SCAPER: variants seen among roughly 807,000 people sequenced by gnomAD.
SCAPER encodes S phase cyclin A-associated protein in the endoplasmic reticulum.
A neutral mutation model predicts 182.2 loss-of-function variants in SCAPER; 98 were observed. That is an observed-to-expected ratio of 0.54 (90% CI 0.46 to 0.64). The LOEUF is 0.64. Ranked by LOEUF, SCAPER falls within the 30% of genes least tolerant of loss-of-function variation. The probability of loss-of-function intolerance (pLI) is 0.00; values close to 1 mark genes in which losing one functional copy is unlikely to be tolerated. For synonymous variants in SCAPER, 605 were observed against 564.6 expected, an observed-to-expected ratio of 1.07 and a Z score of -1.01; for missense variants, 1,432 against 1,690.0, an observed-to-expected ratio of 0.85 and a Z score of 2.68.
chr15:76,481,401 T>C (rs1250318995), intron 24 of SCAPER, among the ~76,000 whole-genome samples: 1 of 152,200 alleles, frequency 6.6e-6, no homozygotes, highest in African/African-American at 2.4e-5. Flanking sequence ...TAACTACTGT[T>C]TATTGGGCAT....
At chr15:76,704,978 G>T (rs1277340713) in intron 18 of SCAPER, among the ~76,000 whole-genome samples, 1 of 152,186 alleles carries the variant, frequency 6.6e-6, no homozygotes, top group Non-Finnish European at 1.5e-5. Context: ...CATTGTGGAA[G>T]TCAGTGTGGC....
intron 22 of SCAPER, among the ~76,000 whole-genome samples, chr15:76,587,107 A>C (rs577963481): frequency 3.3e-5 from 5 of 152,288 alleles, no homozygotes; most frequent in Non-Finnish European, 7.4e-5. Context: ...AGGTGTTCAT[A>C]GTACCCTTGA....
chr15:76,620,293 CAT>C (rs2051907932), intron 22 of SCAPER, among the ~76,000 whole-genome samples: 1 of 152,136 alleles, frequency 6.6e-6, no homozygotes, highest in Non-Finnish European at 1.5e-5. Flanking sequence ...AGTTAGCACA[CAT>C]AGAGTCTAGC....
At chr15:76,549,749 C>CA (rs61165013) in intron 23 of SCAPER, among the ~76,000 whole-genome samples, 87,021 of 151,606 alleles carry the variant, frequency 0.57, 26,136 homozygotes, top group African/African-American at 0.76. Flanking sequence ...AGTGTAAAAA[C>CA]AAAAAAAAGG....
At chr15:76,517,649 C>A (rs1230791243) in intron 23 of SCAPER, among the ~76,000 whole-genome samples, 1 of 152,058 alleles carries the variant, frequency 6.6e-6, no homozygotes, top group African/African-American at 2.4e-5. Flanking sequence ...CCGTGCCCAG[C>A]CCATATTAAC....
intron 4 of SCAPER, among the ~76,000 whole-genome samples, chr15:76,855,438 C>A (rs2071240279): frequency 8.1e-6 from 1 of 122,786 alleles, no homozygotes; most frequent in Non-Finnish European, 1.6e-5. Context: ...TCTAATTAAA[C>A]TTAAGAGCTT....
chr15:76,460,158 T>G (rs2049051835), intron 25 of SCAPER, among the ~76,000 whole-genome samples: 1 of 152,136 alleles, frequency 6.6e-6, no homozygotes, highest in African/African-American at 2.4e-5. Flanking sequence ...GTAGGTTTCT[T>G]TAGGTAGTAT....
Position 76,701,802 on chromosome 15 carries a change from C to G in SCAPER, c.2464G>C (p.Glu822Gln), listed in dbSNP as rs1181014543. 1 of 1,613,740 alleles carries G rather than the reference C, an allele frequency of 6.2e-7. No individual in the cohort carries two copies. The highest frequency in any genetic ancestry group is 8.5e-7 in the Non-Finnish European group (1 of 1,179,826). ...KGRKHQQAVR[E>Q]NTSIQGRELS... ...TCACGCCCCTGGATGCTGGTATTCT[C>G]TCTCACGGCTTGCTGGTGTTTTCTC... The change falls in exon 20 of 32, where the codon GAG becomes CAG. Residue 822 changes from glutamate (E) to glutamine (Q), a missense_variant. Glu to Gln is a conservative substitution (Grantham distance 29, BLOSUM62 2). Transcript: ENST00000563290.
chr15:76,692,696 G>GAA (rs71143354), intron 20 of SCAPER, among the ~76,000 whole-genome samples: 5,775 of 98,804 alleles, frequency 0.058, 388 homozygotes, highest in African/African-American at 0.19. Flanking sequence ...TTCAAAAAAA[G>GAA]AAAAAAAAAA....
At chr15:76,391,163 T>C (rs1485402142) in intron 27 of SCAPER, among the ~76,000 whole-genome samples, 1 of 152,154 alleles carries the variant, frequency 6.6e-6, no homozygotes, top group African/African-American at 2.4e-5. Context: ...CACTTCAAGG[T>C]CTTGCCATTC....
intron 8 of SCAPER, among the ~76,000 whole-genome samples, chr15:76,788,043 C>T (rs2064740823): frequency 6.6e-6 from 1 of 152,146 alleles, no homozygotes; most frequent in Non-Finnish European, 1.5e-5. Flanking sequence ...AAACATTTCA[C>T]TGAAGAAGAT....
intron 5 of SCAPER, among the ~76,000 whole-genome samples, chr15:76,819,921 G>C (rs2067390038): frequency 6.6e-6 from 1 of 152,166 alleles, no homozygotes; most frequent in Middle Eastern, 3.2e-3. Flanking sequence ...ATCAAAAAGT[G>C]GGCAAAGGAT....
At chr15:76,408,562 A>G (rs1050727116) in intron 26 of SCAPER, among the ~76,000 whole-genome samples, 51 of 152,216 alleles carry the variant, frequency 3.4e-4, no homozygotes, top group Middle Eastern at 3.4e-3. Context: ...CTTGATATAC[A>G]TAGCCACGTT....
intron 23 of SCAPER, among the ~76,000 whole-genome samples, chr15:76,551,516 C>A (rs2045768572): frequency 6.6e-6 from 1 of 152,092 alleles, no homozygotes. Context: ...ACAGATTTCA[C>A]AGATGTACAG....
At chr15:76,800,031 C>G (rs2065635759) in intron 7 of SCAPER, among the ~76,000 whole-genome samples, 1 of 151,476 alleles carries the variant, frequency 6.6e-6, no homozygotes. Flanking sequence ...TCCATCAGAT[C>G]TAGGAACCTT....
At chr15:76,655,472 G>A (rs756420461) in intron 21 of SCAPER, among the ~76,000 whole-genome samples, 13 of 152,310 alleles carry the variant, frequency 8.5e-5, no homozygotes, top group Middle Eastern at 3.4e-3. Flanking sequence ...AAGCATATTT[G>A]AGGACATCAT....
intron 21 of SCAPER, among the ~76,000 whole-genome samples, chr15:76,636,447 T>C (rs1413115249): frequency 1.3e-5 from 2 of 148,776 alleles, no homozygotes; most frequent in Non-Finnish European, 3.0e-5. Context: ...TAAGTACATT[T>C]ACCTTTAAAT....
At chr15:76,517,147 A>C (rs1358507415) in intron 23 of SCAPER, among the ~76,000 whole-genome samples, 1 of 151,966 alleles carries the variant, frequency 6.6e-6, no homozygotes, top group East Asian at 1.9e-4. Context: ...TATGCGTTTG[A>C]CTTTTGGGAC....
intron 21 of SCAPER, among the ~76,000 whole-genome samples, chr15:76,628,024 A>G (rs930486896): frequency 1.3e-5 from 2 of 152,084 alleles, no homozygotes; most frequent in Non-Finnish European, 2.9e-5. Flanking sequence ...TTTGATTTAC[A>G]TTTCTCTAAT....
Sources: allele counts gnomAD v4.1 joint callset (sites outside exome capture counted in the v4.1 genomes callset), GRCh38; gene constraint gnomAD v4.1.1; transcripts MANE v1.5; gene names NCBI Gene and HGNC (gene_info 2026-07-23, HGNC 2026-07-21).